Variants in TMEM245 observed in about 807,000 individuals in gnomAD.
The protein encoded by TMEM245 is protein CG-2.
In TMEM245, 69 loss-of-function variants were observed where a neutral mutation model predicts 101.2. The ratio of observed to expected loss-of-function variants is 0.68; its 90% CI spans 0.56 to 0.83. The LOEUF (loss-of-function observed/expected upper bound fraction) is 0.83. TMEM245 is among the 40% of genes least tolerant of loss of function. TMEM245 has a pLI of 0.00. For missense variants in TMEM245, 1,075 were observed against 1,092.8 expected (o/e 0.98, Z 0.23); for synonymous variants, 537 against 449.8 (o/e 1.19, Z -2.45).
At chr9:109,077,065 ATT>A (rs1177389931) in intron 8 of TMEM245, among the ~76,000 whole-genome samples, 1 of 151,236 alleles carries the variant, frequency 6.6e-6, no homozygotes, top group African/African-American at 2.4e-5. Flanking sequence ...AAAGAATATA[ATT>A]TTTGTTATAA....
At chr9:109,104,688 C>A in intron 3 of TMEM245, among the ~76,000 whole-genome samples, 1 of 152,144 alleles carries the variant, frequency 6.6e-6, no homozygotes, top group Non-Finnish European at 1.5e-5. Flanking sequence ...TAAGGAGAGA[C>A]ATATAGATCA....
Position 109,119,416 on chromosome 9 carries a change from G to T in TMEM245, c.498C>A (p.Gly166=). The part of the protein sequence containing the change: ...GPLLYGLYCL[G]SYLGVQVLLV... ...GCAGCACCTGCACGCCCAAGTAGCT[G>T]CCGAGGCAGTAGAGGCCGTACAGGA... Residue 166 remains glycine, a synonymous_variant, in exon 1 of 18, where the codon GGC becomes GGA. Transcript: ENST00000374586. 1 of 1,526,946 alleles carries T rather than the reference G, an allele frequency of 6.5e-7. No individual in the cohort carries two copies. The allele number at this position is 1,526,946 out of a possible 1,614,324, so 94.6% of individuals were successfully genotyped here.
rs375429552 is a variant in TMEM245, at chr9:109,104,484, T to A, written c.799+2024A>T. 6.6e-5 allele frequency among the ~76,000 whole-genome samples: 10 copies of A among 152,282 alleles called. No individual in the cohort carries two copies. In the East Asian group the frequency reaches 1.2e-3, roughly 18 times the overall value. ...AATGCTCCCCCCCGCCCACAAGTGA[T>A]CTCTAGATTGAATGCAATCCCTATC... On this transcript the variant is annotated intron_variant, in intron 3 of 17. Coordinates refer to ENST00000374586, the MANE Select transcript of TMEM245 (RefSeq NM_032012.4).
intron 14 of TMEM245, chr9:109,046,272 T>C (rs769574452): frequency 1.9e-6 from 1 of 534,524 alleles, no homozygotes; most frequent in Non-Finnish European, 3.8e-6. Flanking sequence ...CGTGACAACA[T>C]GCAACTTAGT....
chr9:109,078,570 T>G (rs546890260), intron 8 of TMEM245, among the ~76,000 whole-genome samples: 1 of 152,370 alleles, frequency 6.6e-6, no homozygotes, highest in South Asian at 2.1e-4. Flanking sequence ...GTCACTCCAA[T>G]GTCTTTTAGT....
chr9:109,112,468 G>C (rs760311002), intron 1 of TMEM245, among the ~76,000 whole-genome samples: 27 of 151,326 alleles, frequency 1.8e-4, no homozygotes, highest in Non-Finnish European at 3.4e-4. Flanking sequence ...TTGAACCCAG[G>C]AGGTGGAGGT....
chr9:109,015,912 T>C lies in TMEM245; in HGVS notation c.*4548A>G, dbSNP rs929861745. On this transcript the variant is annotated 3_prime_UTR_variant, in exon 18 of 18. Transcript: ENST00000374586. ...CCTGCAAAATTAAACACAATACTGA[T>C]TTTACACACCACAGGTGGAAAAGAA... 1 of 152,582 alleles carries C rather than the reference T, an allele frequency of 6.6e-6. No homozygotes were observed. Among genetic ancestry groups the C allele is most frequent in the African/African-American group, 2.4e-5 (1 of 41,456 alleles). 9.5% of individuals were successfully genotyped at this position (152,582 alleles called of 1,614,324 possible).
At chr9:109,039,218 T>C (rs1027020466) in intron 14 of TMEM245, 6 of 152,126 alleles carry the variant, frequency 3.9e-5, no homozygotes, top group African/African-American at 1.4e-4. Context: ...TCCCCAATTG[T>C]AAAACCTGCT....
At position 109,103,753 on chromosome 9, in the gene TMEM245, C is replaced by T. The variant is rs142201949; in HGVS notation, c.799+2755G>A. 4.7e-3 allele frequency among the ~76,000 whole-genome samples: 710 copies of T among 151,954 alleles called. 6 individuals are homozygous for T. The highest frequency in any genetic ancestry group is 0.016 in the African/African-American group (682 of 41,442). On this transcript the variant is annotated intron_variant, in intron 3 of 17. Transcript: ENST00000374586. Reference sequence around the variant, plus strand: ...GGCTGGGAAGGATAGTGAGAGGGTACGGGGAAGCTGGAAGTGGTTATTAAT... The same window carrying T: ...GGCTGGGAAGGATAGTGAGAGGGTATGGGGAAGCTGGAAGTGGTTATTAAT...
intron 8 of TMEM245, among the ~76,000 whole-genome samples, chr9:109,075,053 G>A (rs1829457040): frequency 1.3e-5 from 2 of 152,192 alleles, no homozygotes; most frequent in African/African-American, 4.8e-5. Flanking sequence ...AGTAAGTTTG[G>A]ACGCTGTGTT....
chr9:109,093,465 C>G lies in TMEM245; in HGVS notation c.916+10G>C, dbSNP rs771164360. 5.6e-6 allele frequency: 9 copies of G among 1,603,908 alleles called. No individual in the cohort carries two copies. The African/African-American group carries it at 8.0e-5, about 14-fold the overall frequency. On this transcript the variant is annotated intron_variant, in intron 4 of 17. Transcript: ENST00000374586. ...AGAATAACCTTGAATGTCACCAGAA[C>G]ATCAGTCACCTGCAGGCTGAGTGGA...
At chr9:109,081,030 G>T in intron 7 of TMEM245, 87 bp from the exon 8 acceptor site, 1 of 889,232 alleles carries the variant, frequency 1.1e-6, no homozygotes, top group South Asian at 1.7e-5. Context: ...GACAAAACAG[G>T]ATCTCCAGCA....
At chr9:109,063,622 C>T (rs1829080686) in intron 10 of TMEM245, among the ~76,000 whole-genome samples, 2 of 152,130 alleles carry the variant, frequency 1.3e-5, no homozygotes, top group African/African-American at 2.4e-5. Flanking sequence ...ACAGGCAAAA[C>T]TAGGGAGGGA....
At chr9:109,111,320 A>T (rs910497688) in intron 1 of TMEM245, among the ~76,000 whole-genome samples, 6 of 152,162 alleles carry the variant, frequency 3.9e-5, no homozygotes, top group African/African-American at 1.4e-4. Flanking sequence ...TTGAACAGAG[A>T]TGACAAAGTA....
intron 17 of TMEM245, among the ~76,000 whole-genome samples, chr9:109,032,342 A>G (rs941110421): frequency 3.9e-4 from 39 of 99,728 alleles, no homozygotes; most frequent in African/African-American, 1.4e-3. Flanking sequence ...CATGCAATGC[A>G]TTTGGTTGTC....
chr9:109,034,625 T>C (rs1172393720), intron 16 of TMEM245, among the ~76,000 whole-genome samples: 3 of 152,122 alleles, frequency 2.0e-5, no homozygotes, highest in African/African-American at 7.2e-5. Context: ...CTTTATATTT[T>C]TGTGGAGAAC....
At chr9:109,029,168 G>A (rs1161922382) in intron 17 of TMEM245, among the ~76,000 whole-genome samples, 3 of 152,046 alleles carry the variant, frequency 2.0e-5, no homozygotes, top group Non-Finnish European at 2.9e-5. Context: ...AGAAAATGGA[G>A]CCAAAAAGAC....
At chr9:109,063,445 G>A (rs868734677) in intron 10 of TMEM245, among the ~76,000 whole-genome samples, 14 of 152,134 alleles carry the variant, frequency 9.2e-5, no homozygotes, top group African/African-American at 2.2e-4. Flanking sequence ...TGTATACAGC[G>A]TATCTTCCAT....
chr9:109,078,332 A>AT (rs1223806148), intron 8 of TMEM245, among the ~76,000 whole-genome samples: 1 of 152,174 alleles, frequency 6.6e-6, no homozygotes, highest in Non-Finnish European at 1.5e-5. Context: ...TATAACCCAC[A>AT]TATTTTCCAA....
Sources: allele counts gnomAD v4.1 joint callset (sites outside exome capture counted in the v4.1 genomes callset), GRCh38; gene constraint gnomAD v4.1.1; transcripts MANE v1.5; gene names NCBI Gene and HGNC (gene_info 2026-07-23, HGNC 2026-07-21).